NFIC: variants seen among roughly 807,000 people sequenced by gnomAD.
NFIC encodes the protein nuclear factor I C, also known as nuclear factor 1 C-type.
NFIC carries 12 observed loss-of-function variants against 54.4 expected under a neutral mutation model. The observed-to-expected ratio is 0.22, with a 90% CI of 0.14 to 0.36. The LOEUF is 0.36. NFIC is among the 10% of genes least tolerant of loss of function. The pLI, the probability that NFIC is intolerant of heterozygous loss-of-function variation, is 1.00. For synonymous variants in NFIC, 322 were observed against 319.2 expected (o/e 1.01, Z -0.09); for missense variants, 575 against 718.2 (o/e 0.80, Z 2.28).
chr19:3,420,201 G>C (rs1057101465), intron 2 of NFIC, among the ~76,000 whole-genome samples: 25 of 152,018 alleles, frequency 1.6e-4, no homozygotes, highest in Non-Finnish European at 3.1e-4. Flanking sequence ...TGTACCTGGG[G>C]CCCCAGCTAC....
At chr19:3,362,969 TC>T (rs993860390), upstream of NFIC, among the ~76,000 whole-genome samples, 5 of 152,112 alleles carry the variant, frequency 3.3e-5, no homozygotes, top group Admixed American at 6.6e-5. Flanking sequence ...TTTTAAGTTT[TC>T]CTTTAATTAC....
At chr19:3,438,298 A>G (rs1398845743) in intron 6 of NFIC, among the ~76,000 whole-genome samples, 3 of 152,008 alleles carry the variant, frequency 2.0e-5, no homozygotes, top group African/African-American at 7.2e-5. Flanking sequence ...ACAAAGAGGA[A>G]GCCCCCACCA....
Position 3,370,319 on chromosome 19 carries a change from A to G in NFIC, c.30+3653A>G, listed in dbSNP as rs1225002776. Among the ~76,000 whole-genome samples the G allele has an allele frequency of 1.3e-5, 2 of 151,748 alleles. No individual in the cohort carries two copies. The highest frequency in any genetic ancestry group is 2.4e-5 in the African/African-American group (1 of 41,296). ...CCTGGTGGCCTCTGATTCACTCTCTACAAGGCTCCACCACTCTCCCGCTGT... is the reference window on the plus strand; with the variant it reads ...CCTGGTGGCCTCTGATTCACTCTCTGCAAGGCTCCACCACTCTCCCGCTGT... On this transcript the variant is annotated intron_variant, in intron 1 of 10. Coordinates refer to ENST00000443272, the MANE Select transcript of NFIC (RefSeq NM_001245002.2). The surrounding 1 kb of genome is among the most constrained non-coding windows in gnomAD (Gnocchi z 5.2).
intron 6 of NFIC, among the ~76,000 whole-genome samples, chr19:3,439,689 A>ATT (rs1182271188): frequency 1.3e-4 from 18 of 133,842 alleles, no homozygotes; most frequent in South Asian, 7.0e-4. Flanking sequence ...CACTGGAAGA[A>ATT]TTTTTTTTTT....
intron 2 of NFIC, among the ~76,000 whole-genome samples, chr19:3,419,381 G>A (rs964509276): frequency 3.3e-5 from 5 of 152,100 alleles, no homozygotes; most frequent in African/African-American, 1.2e-4. Flanking sequence ...GTCTGAGGTG[G>A]GGGGATTGCT....
In NFIC at chr19:3,453,291, A is replaced by G. The variant is rs1211036872; in HGVS notation, c.1270-472A>G. ...GGGGCAGGAAGACATTGATTACAAAAAAACCACCAAACTCAGTTCGAGCAA... is the reference window on the plus strand; with the variant it reads ...GGGGCAGGAAGACATTGATTACAAAGAAACCACCAAACTCAGTTCGAGCAA... On this transcript the variant is annotated intron_variant, in intron 8 of 10. Transcript: ENST00000443272. This position sits in a 1 kb window ranked among gnomAD's most constrained non-coding sequence, Gnocchi z 6.7. 1.3e-5 allele frequency among the ~76,000 whole-genome samples: 2 copies of G among 152,166 alleles called. No individual in the cohort carries two copies. The highest frequency in any genetic ancestry group is 3.9e-4 in the East Asian group (2 of 5,188).
At position 3,366,911 on chromosome 19, in the gene NFIC, G is replaced by A. The variant is rs2080898750; in HGVS notation, c.30+245G>A. Among the ~76,000 whole-genome samples, 3 of 151,014 alleles carry A rather than the reference G, an allele frequency of 2.0e-5. No homozygotes were observed. The South Asian group carries it at 6.3e-4, about 32-fold the overall frequency. On this transcript the variant is annotated intron_variant, in intron 1 of 10. Coordinates refer to ENST00000443272, the MANE Select transcript of NFIC (RefSeq NM_001245002.2). ...ACTCCCGCCCAGCACCCCCAACCCC[G>A]ACTCTCGGGACCTCTCCCGGATGTG...
At chr19:3,404,221 G>GA (rs1289799584) in intron 2 of NFIC, among the ~76,000 whole-genome samples, 2 of 8,824 alleles carry the variant, frequency 2.3e-4, no homozygotes, top group East Asian at 0.012. Context: ...CTTGGCTGCT[G>GA]GGAAGCCAAG....
intron 2 of NFIC, among the ~76,000 whole-genome samples, chr19:3,387,170 C>T (rs1041361877): frequency 2.6e-5 from 4 of 152,144 alleles, no homozygotes; most frequent in African/African-American, 9.7e-5. Context: ...GGGGCACCTG[C>T]CATGGGGCTG....
intron 1 of NFIC, among the ~76,000 whole-genome samples, chr19:3,371,881 C>T (rs563389543): frequency 2.0e-5 from 2 of 99,832 alleles, no homozygotes; most frequent in East Asian, 3.3e-4. Context: ...TTCTTTCTCT[C>T]TCCTTCCTTC....
intron 3 of NFIC, among the ~76,000 whole-genome samples, chr19:3,430,275 T>C (rs1195618228): frequency 6.7e-6 from 1 of 149,648 alleles, no homozygotes; most frequent in African/African-American, 2.5e-5. Flanking sequence ...CAGGCTGGAG[T>C]GCAGTGGCGC....
At chr19:3,432,477 T>C (rs1436535262) in intron 3 of NFIC, among the ~76,000 whole-genome samples, 5 of 151,984 alleles carry the variant, frequency 3.3e-5, no homozygotes. Context: ...AGGGTGACAG[T>C]GTGTAAAGCA....
chr19:3,463,993 G>A lies in NFIC; in HGVS notation c.*1224G>A, dbSNP rs1051596325. On this transcript the variant is annotated 3_prime_UTR_variant, in exon 11 of 11. Transcript: ENST00000443272. Reference sequence around the variant, plus strand: ...GCTAGAGAGATGGGGCCCCTGCGTGGCCCGAGGGGCAGAGCTGGGCGTCAC... The same window carrying A: ...GCTAGAGAGATGGGGCCCCTGCGTGACCCGAGGGGCAGAGCTGGGCGTCAC... 2 of 985,114 alleles carry A rather than the reference G, an allele frequency of 2.0e-6. No homozygotes were observed. Among genetic ancestry groups the A allele is most frequent in the Non-Finnish European group, 2.4e-6 (2 of 829,930 alleles). 61.0% of individuals were successfully genotyped at this position (985,114 alleles called of 1,614,324 possible).
intron 9 of NFIC, 102 bp from the exon 10 acceptor site, chr19:3,456,447 CG>C: frequency 8.9e-7 from 1 of 1,128,768 alleles, no homozygotes; most frequent in Non-Finnish European, 1.3e-6. Context: ...TGCAGAGGCC[CG>C]GCTGTGTGAC....
rs2145432046 is a variant in NFIC at position 3,369,918 on chromosome 19, G to C, written c.30+3252G>C. ...TTCGTTCGTCCCATGCCCTCTCGGA[G>C]CACAATGTGCTTTGCTGCCATTTCT... On this transcript the variant is annotated intron_variant, in intron 1 of 10. Transcript: ENST00000443272. This position sits in a 1 kb window ranked among gnomAD's most constrained non-coding sequence, Gnocchi z 4.3. 1.3e-5 allele frequency among the ~76,000 whole-genome samples: 2 copies of C among 152,318 alleles called. No individual in the cohort carries two copies. The highest frequency in any genetic ancestry group is 3.9e-4 in the East Asian group (2 of 5,176).
intron 6 of NFIC, among the ~76,000 whole-genome samples, chr19:3,440,552 T>C: frequency 6.6e-6 from 1 of 151,804 alleles, no homozygotes; most frequent in Admixed American, 6.6e-5. Flanking sequence ...TGCCTCAGCC[T>C]CCCGAATAGC....
In NFIC at chr19:3,382,035, C is replaced by T. The variant is rs2081218827; in HGVS notation, c.354C>T (p.Ile118=). 1.2e-6 allele frequency: 2 copies of T among 1,613,444 alleles called. No individual in the cohort carries two copies. Among genetic ancestry groups the T allele is most frequent in the Admixed American group, 3.3e-5 (2 of 60,012 alleles). Residue 118 remains isoleucine, a synonymous_variant, in exon 2 of 11, where the codon ATC becomes ATT. Transcript: ENST00000443272. ...NPDQKGKMRR[I]DCLRQADKVW... ...ACCAGAAGGGCAAGATGCGGCGCAT[C>T]GACTGTCTCCGGCAGGCGGACAAGG...
intron 2 of NFIC, among the ~76,000 whole-genome samples, chr19:3,421,458 C>A (rs1599657560): frequency 6.6e-6 from 1 of 152,234 alleles, no homozygotes; most frequent in Non-Finnish European, 1.5e-5. Flanking sequence ...CGCTGGCAGC[C>A]CCAGCCTGGG....
intron 2 of NFIC, among the ~76,000 whole-genome samples, chr19:3,406,914 G>C (rs1160422549): frequency 6.6e-6 from 1 of 151,958 alleles, no homozygotes; most frequent in East Asian, 1.9e-4. Context: ...TGCACAGCCC[G>C]TGCAAAGGCC....
Sources: gnomAD v4.1 joint callset for allele counts (sites outside exome capture counted in the v4.1 genomes callset) on GRCh38, gnomAD v4.1.1 for gene constraint, Gnocchi (gnomAD v3.1) non-coding constraint, MANE v1.5 for transcripts, NCBI Gene and HGNC (gene_info 2026-07-23, HGNC 2026-07-21) for gene names.